ZNF138: variants seen among roughly 807,000 people sequenced by gnomAD.
The protein encoded by ZNF138 is zinc finger protein 138 (clone pHZ-32).
A neutral mutation model predicts 33.0 loss-of-function variants in ZNF138; 33 were observed. The ratio of observed to expected loss-of-function variants is 1.00; its 90% CI spans 0.76 to 1.34. ZNF138 has a LOEUF of 1.34. Among genes scored for constraint, ZNF138 ranks in the 40% most tolerant of loss-of-function variants. The pLI, the probability that ZNF138 is intolerant of heterozygous loss-of-function variation, is 0.00. For synonymous variants in ZNF138, 139 were observed against 120.4 expected (o/e 1.15, Z -1.01); for missense variants, 360 against 370.8 (o/e 0.97, Z 0.24).
At chr7:64,795,981 C>G (rs1267244617) in intron 1 of ZNF138, among the ~76,000 whole-genome samples, 1 of 152,074 alleles carries the variant, frequency 6.6e-6, no homozygotes, top group Non-Finnish European at 1.5e-5. Flanking sequence ...AGGTGAATGC[C>G]CTGGGGCTGA....
In ZNF138 at chr7:64,831,744, A is replaced by C; in HGVS notation, c.502A>C (p.Arg168=). Residue 168 remains arginine, a synonymous_variant, in exon 4 of 4, where the codon AGA becomes CGA. Coordinates refer to ENST00000307355, the MANE Select transcript of ZNF138 (RefSeq NM_001271639.2). The stretch of plus-strand genomic sequence containing the variant: ...AAGACATACTGAAAATAAACATTTC[A>C]GATGTAAAGAATGTGACAAATCACT... The part of the protein sequence containing the change: ...KIRHTENKHF[R]CKECDKSLCM... 6.2e-7 allele frequency: 1 copy of C among 1,613,652 alleles called. No individual in the cohort carries two copies.
chr7:64,799,541 T>C (rs567516309), intron 1 of ZNF138, among the ~76,000 whole-genome samples: 1 of 152,360 alleles, frequency 6.6e-6, no homozygotes, highest in African/African-American at 2.4e-5. Context: ...AAGCAGTGTT[T>C]TGTAATTCTT....
At position 64,794,490 on chromosome 7, in the gene ZNF138, G is replaced by A. The variant is rs1786525727; in HGVS notation, c.-79G>A. 1.2e-6 allele frequency: 2 copies of A among 1,603,934 alleles called. No homozygotes were observed. The highest frequency in any genetic ancestry group is 1.3e-5 in the African/African-American group (1 of 74,586). ...TTTTCTGCGTCCTCTTACTCCTAGA[G>A]GCCCAGCCTCTGTGGCGCTGTGATC... On this transcript the variant is annotated 5_prime_UTR_variant, in exon 1 of 4. Coordinates refer to ENST00000307355, the MANE Select transcript of ZNF138 (RefSeq NM_001271639.2).
At chr7:64,821,338 C>T (rs893544402) in intron 3 of ZNF138, among the ~76,000 whole-genome samples, 1 of 151,418 alleles carries the variant, frequency 6.6e-6, no homozygotes, top group Admixed American at 6.6e-5. Flanking sequence ...ATCCACCCAC[C>T]TCAGCCTCCC....
At chr7:64,843,835 T>TG in the ZNF138 span, among the ~76,000 whole-genome samples, 9 of 151,924 alleles carry the variant, frequency 5.9e-5, no homozygotes, top group African/African-American at 2.2e-4. Flanking sequence ...TTTTTTATTT[T>TG]TTTGTTTTTT....
At chr7:64,804,579 C>T (rs974758558) in intron 1 of ZNF138, among the ~76,000 whole-genome samples, 3 of 152,032 alleles carry the variant, frequency 2.0e-5, no homozygotes, top group Admixed American at 6.6e-5. Context: ...GTCAGGAGTT[C>T]AAGACCAGCC....
At position 64,831,506 on chromosome 7, in the gene ZNF138, T is replaced by C; in HGVS notation, c.264T>C (p.Ser88=). 2 of 1,605,346 alleles carry C rather than the reference T, an allele frequency of 1.2e-6. No homozygotes were observed. The highest frequency in any genetic ancestry group is 1.7e-6 in the Non-Finnish European group (2 of 1,177,386). The change falls in exon 4 of 4, where the codon TCT becomes TCC. Residue 88 remains serine (S), a synonymous_variant. Transcript: ENST00000307355. The part of the protein sequence containing the change: ...DLWLEQNIKD[S]FQKVTLSRYG... The stretch of plus-strand genomic sequence containing the variant: ...GGCTAGAGCAGAACATAAAAGATTC[T>C]TTCCAAAAAGTGACACTGAGCAGAT...
chr7:64,795,044 G>A (rs1313813773), intron 1 of ZNF138, among the ~76,000 whole-genome samples: 1 of 152,180 alleles, frequency 6.6e-6, no homozygotes, highest in Non-Finnish European at 1.5e-5. Flanking sequence ...GTAGTGGTCC[G>A]TGGGAGGGGT....
chr7:64,821,346 C>T (rs1010616316), intron 3 of ZNF138, among the ~76,000 whole-genome samples: 1 of 151,310 alleles, frequency 6.6e-6, no homozygotes, highest in African/African-American at 2.5e-5. Context: ...ACCTCAGCCT[C>T]CCAAAGTGCT....
At chr7:64,804,183 C>T (rs1417853912) in intron 1 of ZNF138, among the ~76,000 whole-genome samples, 2 of 152,142 alleles carry the variant, frequency 1.3e-5, no homozygotes, top group South Asian at 2.1e-4. Flanking sequence ...GACAGCCCGG[C>T]GCCACACCGT....
At chr7:64,816,696 A>G (rs920558458) in intron 3 of ZNF138, among the ~76,000 whole-genome samples, 1 of 152,158 alleles carries the variant, frequency 6.6e-6, no homozygotes, top group African/African-American at 2.4e-5. Context: ...CTTTTGCCAC[A>G]TACTTTCAAT....
the ZNF138 span, among the ~76,000 whole-genome samples, chr7:64,850,152 C>T: frequency 1.0e-3 from 152 of 152,340 alleles, no homozygotes; most frequent in South Asian, 4.1e-4. Context: ...GTATTTAGCT[C>T]AGCTCTCTAA....
At chr7:64,842,771 T>C in the ZNF138 span, among the ~76,000 whole-genome samples, 1 of 152,190 alleles carries the variant, frequency 6.6e-6, no homozygotes, top group Non-Finnish European at 1.5e-5. Flanking sequence ...TACTTGGAAG[T>C]ATATATACAT....
chr7:64,813,827 A>G (rs992286115), intron 1 of ZNF138, among the ~76,000 whole-genome samples: 1 of 152,144 alleles, frequency 6.6e-6, no homozygotes, highest in Non-Finnish European at 1.5e-5. Flanking sequence ...GTGCATCAAC[A>G]CCGCATAAAA....
At chr7:64,860,225 A>G in the ZNF138 span, among the ~76,000 whole-genome samples, 7 of 152,356 alleles carry the variant, frequency 4.6e-5, no homozygotes, top group Non-Finnish European at 1.0e-4. Context: ...TAAAATGTTT[A>G]AATCAAGCTA....
chr7:64,821,924 T>C (rs1251880823), intron 3 of ZNF138, among the ~76,000 whole-genome samples: 2 of 141,090 alleles, frequency 1.4e-5, no homozygotes, highest in Non-Finnish European at 3.1e-5. Flanking sequence ...TCTTTTTTTT[T>C]TTTTTTTTTT....
intron 1 of ZNF138, among the ~76,000 whole-genome samples, chr7:64,797,125 C>T (rs1290528654): frequency 6.6e-6 from 1 of 151,356 alleles, no homozygotes; most frequent in Non-Finnish European, 1.5e-5. Context: ...TATACAGATT[C>T]ATGAAAATAT....
Position 64,831,677 on chromosome 7 carries a change from A to G in ZNF138, c.435A>G (p.Val145=). 1.2e-6 allele frequency: 2 copies of G among 1,608,424 alleles called. No individual in the cohort carries two copies. The highest frequency in any genetic ancestry group is 1.7e-4 in the Middle Eastern group (1 of 6,028). Residue 145 remains valine (V), a synonymous_variant, in exon 4 of 4, where the codon GTA becomes GTG. Transcript: ENST00000307355. ...AAATATTTCAATGTAATAAATATGT[A>G]AAAGTCATGCATAAATTTTCAAATT... ...TSKIFQCNKY[V]KVMHKFSNSN...
chr7:64,797,536 A>AC (rs1442893468), intron 1 of ZNF138, among the ~76,000 whole-genome samples: 1 of 151,994 alleles, frequency 6.6e-6, no homozygotes, highest in African/African-American at 2.4e-5. Flanking sequence ...TTAAAGGCCC[A>AC]GTTAGTTCTT....
Sources: allele counts gnomAD v4.1 joint callset (sites outside exome capture counted in the v4.1 genomes callset), GRCh38; gene constraint gnomAD v4.1.1; transcripts MANE v1.5; gene names NCBI Gene and HGNC (gene_info 2026-07-23, HGNC 2026-07-21).